The following ADAMTS16 variants were observed in gnomAD, a reference collection of about 807,000 sequenced individuals.
ADAMTS16 encodes A disintegrin and metalloproteinase with thrombospondin motifs 16.
In ADAMTS16, 94 loss-of-function variants were observed where a neutral mutation model predicts 145.8. The observed-to-expected ratio is 0.64, with a 90% CI of 0.55 to 0.77. The LOEUF (loss-of-function observed/expected upper bound fraction) is 0.77, where lower values mean the gene tolerates loss of function less well. Ranked by LOEUF, ADAMTS16 falls within the 30% of genes least tolerant of loss-of-function variation. The pLI, the probability that ADAMTS16 is intolerant of heterozygous loss-of-function variation, is 0.00. For synonymous variants in ADAMTS16, 659 were observed against 604.3 expected (o/e 1.09, Z -1.33); for missense variants, 1,585 against 1,591.5 (o/e 1.00, Z 0.07).
intron 18 of ADAMTS16, among the ~76,000 whole-genome samples, chr5:5,276,877 G>A (rs377315662): frequency 6.6e-6 from 1 of 150,752 alleles, no homozygotes; most frequent in Non-Finnish European, 1.5e-5. Flanking sequence ...GAAGGAAAAT[G>A]AAAAAAAAAA....
chr5:5,316,681 T>G (rs577959976), intron 21 of ADAMTS16, among the ~76,000 whole-genome samples: 138 of 152,230 alleles, frequency 9.1e-4, no homozygotes, highest in African/African-American at 3.2e-3. Context: ...TGGGGGAGCC[T>G]CAATAGGATG....
chr5:5,215,371 G>A (rs933701048), intron 10 of ADAMTS16, among the ~76,000 whole-genome samples: 11 of 152,046 alleles, frequency 7.2e-5, no homozygotes, highest in African/African-American at 2.4e-4. Flanking sequence ...AGTCATTGGG[G>A]TACAGGTGGT....
chr5:5,289,301 A>T (rs1237592383), intron 18 of ADAMTS16, among the ~76,000 whole-genome samples: 2 of 152,244 alleles, frequency 1.3e-5, no homozygotes, highest in African/African-American at 2.4e-5. Context: ...ACTACATGTA[A>T]GGTGCGACTG....
At chr5:5,247,473 C>T (rs1737482625) in intron 17 of ADAMTS16, among the ~76,000 whole-genome samples, 1 of 152,078 alleles carries the variant, frequency 6.6e-6, no homozygotes, top group Non-Finnish European at 1.5e-5. Context: ...TCACCCAGGC[C>T]CATTTCATCA....
chr5:5,161,340 A>G (rs1734740173), intron 3 of ADAMTS16, among the ~76,000 whole-genome samples: 2 of 152,194 alleles, frequency 1.3e-5, no homozygotes, highest in African/African-American at 4.8e-5. Context: ...TTGATTTCAA[A>G]GTCAACAACA....
chr5:5,219,291 T>C (rs1328490325), intron 10 of ADAMTS16, among the ~76,000 whole-genome samples: 1 of 152,240 alleles, frequency 6.6e-6, no homozygotes, highest in Non-Finnish European at 1.5e-5. Flanking sequence ...TGTTGTTAAC[T>C]ATCGTCACCC....
intron 3 of ADAMTS16, among the ~76,000 whole-genome samples, chr5:5,179,671 G>T (rs376457541): frequency 3.9e-5 from 6 of 152,322 alleles, no homozygotes; most frequent in Non-Finnish European, 7.4e-5. Flanking sequence ...GGCCAAGAAG[G>T]TTCCGAAGTA....
In ADAMTS16 at chr5:5,140,366, G is replaced by A. The variant is rs1734117706; in HGVS notation, c.-102G>A. 4.2e-6 allele frequency: 5 copies of A among 1,202,514 alleles called. No homozygotes were observed. Among genetic ancestry groups the A allele is most frequent in the East Asian group, 3.2e-5 (1 of 31,610 alleles). The allele number at this position is 1,202,514 out of a possible 1,614,324, so 74.5% of individuals were successfully genotyped here. On this transcript the variant is annotated 5_prime_UTR_variant, in exon 1 of 23. Transcript: ENST00000274181. ...CGGCGCGGCGGCGGAGTCGCTGTGG[G>A]GAATCCTCCCGCGCTCTGCCTGGGT... is the stretch of plus-strand genomic sequence containing the variant.
At chr5:5,239,590 G>A in intron 15 of ADAMTS16, 91 bp from the exon 16 acceptor site, 1 of 1,538,488 alleles carries the variant, frequency 6.5e-7, no homozygotes, top group Admixed American at 1.8e-5. Context: ...TGGATTCTCA[G>A]GTTTTGTTTA....
chr5:5,222,464 T>A (rs1344977634), intron 10 of ADAMTS16, among the ~76,000 whole-genome samples: 1 of 152,226 alleles, frequency 6.6e-6, no homozygotes, highest in Non-Finnish European at 1.5e-5. Context: ...ATATTAAGTT[T>A]AGTTTTTTTA....
intron 10 of ADAMTS16, among the ~76,000 whole-genome samples, chr5:5,222,406 G>C (rs1736634430): frequency 6.8e-6 from 1 of 147,556 alleles, no homozygotes; most frequent in African/African-American, 2.7e-5. Flanking sequence ...TAAGAATTCA[G>C]ACTTGGACAG....
Position 5,319,475 on chromosome 5 carries a change from G to A in ADAMTS16, c.*337G>A, listed in dbSNP as rs1734196281. ...TAAATCAAGTCAAAAAGACAGGCGA[G>A]GCTGAACTTGCTAAATGTCTGGTGC... On this transcript the variant is annotated 3_prime_UTR_variant, in exon 23 of 23. Coordinates refer to ENST00000274181, the MANE Select transcript of ADAMTS16 (RefSeq NM_139056.4). The A allele has an allele frequency of 3.0e-6, 1 of 330,124 alleles. No individual in the cohort carries two copies. The highest frequency in any genetic ancestry group is 5.7e-6 in the Non-Finnish European group (1 of 175,648). 20.4% of individuals were successfully genotyped at this position (330,124 alleles called of 1,614,324 possible). A position where few individuals can be genotyped will look rare whatever the true frequency, so the allele number is the denominator to read the frequency against.
At chr5:5,186,472 T>A (rs1474485779) in intron 5 of ADAMTS16, among the ~76,000 whole-genome samples, 2 of 136,476 alleles carry the variant, frequency 1.5e-5, no homozygotes, top group African/African-American at 2.6e-5. Context: ...GTAGGAAAAA[T>A]CATTTGACCT....
chr5:5,214,826 C>T (rs1449173920), intron 10 of ADAMTS16, among the ~76,000 whole-genome samples: 1 of 152,134 alleles, frequency 6.6e-6, no homozygotes, highest in Non-Finnish European at 1.5e-5. Context: ...TGAATTGAAA[C>T]ATCTCAGAAC....
At chr5:5,294,280 G>A (rs551728484) in intron 18 of ADAMTS16, among the ~76,000 whole-genome samples, 141 of 152,264 alleles carry the variant, frequency 9.3e-4, no homozygotes, top group African/African-American at 3.2e-3. Flanking sequence ...ATAAGACTTC[G>A]AAATAAAACT....
At chr5:5,291,794 T>C (rs941679257) in intron 18 of ADAMTS16, among the ~76,000 whole-genome samples, 1 of 152,176 alleles carries the variant, frequency 6.6e-6, no homozygotes, top group Non-Finnish European at 1.5e-5. Flanking sequence ...TATAACTTTA[T>C]GGATTTCTAC....
intron 18 of ADAMTS16, among the ~76,000 whole-genome samples, chr5:5,287,819 G>A (rs554780305): frequency 5.9e-5 from 9 of 152,116 alleles, no homozygotes; most frequent in Non-Finnish European, 1.3e-4. Context: ...AACCTTTGTG[G>A]ATGGTCCTAA....
intron 11 of ADAMTS16, 76 bp downstream of exon 11, chr5:5,222,960 A>G (rs12652968): frequency 0.42 from 556,543 of 1,332,396 alleles, 117,745 homozygotes; most frequent in Middle Eastern, 0.45. Context: ...CTCCTCTTGC[A>G]TAGGTATTTT....
At chr5:5,151,184 C>T (rs1462147061) in intron 3 of ADAMTS16, among the ~76,000 whole-genome samples, 1 of 151,708 alleles carries the variant, frequency 6.6e-6, no homozygotes, top group Non-Finnish European at 1.5e-5. Context: ...CTGTGCAACA[C>T]TGCCATCATG....
Sources: allele counts gnomAD v4.1 joint callset (sites outside exome capture counted in the v4.1 genomes callset), GRCh38; gene constraint gnomAD v4.1.1; transcripts MANE v1.5; gene names NCBI Gene and HGNC (gene_info 2026-07-23, HGNC 2026-07-21).